The following ACSL5 variants were observed in gnomAD, a reference collection of about 807,000 sequenced individuals.
The protein encoded by ACSL5 is acyl-CoA synthetase long chain family member 5.
A neutral mutation model predicts 84.9 loss-of-function variants in ACSL5; 50 were observed. The observed-to-expected ratio is 0.59, with a 90% CI of 0.47 to 0.75. The LOEUF (loss-of-function observed/expected upper bound fraction) is 0.75. Among genes scored for constraint, ACSL5 ranks in the 30% least tolerant of loss-of-function variants. ACSL5 has a pLI of 0.00. For missense variants in ACSL5, 775 were observed against 830.4 expected, an observed-to-expected ratio of 0.93 and a Z score of 0.82; for synonymous variants, 280 against 300.7, an observed-to-expected ratio of 0.93 and a Z score of 0.71.
At chr10:112,412,875 C>T (rs1205283321) in intron 11 of ACSL5, among the ~76,000 whole-genome samples, 1 of 131,008 alleles carries the variant, frequency 7.6e-6, no homozygotes, top group African/African-American at 2.6e-5. Flanking sequence ...TCACACAGAC[C>T]TGTGGTGGAG....
At position 112,412,181 on chromosome 10, in the gene ACSL5, T is replaced by TC; in HGVS notation, c.948+204dup. ...TCTTCCTCTGCTAAGTCTGCATGTG[T>TC]CCAGGGAGGATAGTACTTGCTCCTG... On this transcript the variant is annotated intron_variant, in intron 11 of 20. Coordinates refer to ENST00000354655, the MANE Select transcript of ACSL5 (RefSeq NM_203379.2). 6.8e-6 allele frequency: 4 copies of TC among 585,470 alleles called. No individual in the cohort carries two copies. In the South Asian group the frequency reaches 8.6e-5, roughly 13 times the overall value. The allele number at this position is 585,470 out of a possible 1,614,324, so 36.3% of individuals were successfully genotyped here. A position where few individuals can be genotyped will look rare whatever the true frequency, so the allele number is the denominator to read the frequency against.
Position 112,405,616 on chromosome 10 carries a change from C to G in ACSL5, c.432+810C>G, listed in dbSNP as rs1047508852. On this transcript the variant is annotated intron_variant, in intron 5 of 20. Coordinates refer to ENST00000354655, the MANE Select transcript of ACSL5 (RefSeq NM_203379.2). ...TCAATAGAAAAAGGTTCCCTTGACTCTAGTTTAGGAACTTAACACCTAATC... is the reference window on the plus strand; with the variant it reads ...TCAATAGAAAAAGGTTCCCTTGACTGTAGTTTAGGAACTTAACACCTAATC... 1.2e-4 allele frequency among the ~76,000 whole-genome samples: 18 copies of G among 152,116 alleles called. 1 individual carries two copies. Among genetic ancestry groups the G allele is most frequent in the African/African-American group, 4.1e-4 (17 of 41,410 alleles).
intron 17 of ACSL5, chr10:112,424,736 C>T (rs1411800223): frequency 6.6e-6 from 1 of 152,024 alleles, no homozygotes; most frequent in Non-Finnish European, 1.5e-5. Context: ...AATTCAAATC[C>T]CTAAAGACCT....
chr10:112,376,524 TG>T, intron 1 of ACSL5: 4 of 1,585,048 alleles, frequency 2.5e-6, no homozygotes, highest in Non-Finnish European at 3.4e-6. Flanking sequence ...GGGGGCATCC[TG>T]ACCCCCGACT....
chr10:112,375,076 A>G (rs1213763721), intron 1 of ACSL5, among the ~76,000 whole-genome samples: 3 of 151,720 alleles, frequency 2.0e-5, no homozygotes, highest in African/African-American at 7.3e-5. Flanking sequence ...ATAAAACCTC[A>G]TCTTCCCCTG....
Position 112,425,352 on chromosome 10 carries a change from G to A in ACSL5, c.1608G>A (p.Lys536=), listed in dbSNP as rs1265118251. 6.2e-7 allele frequency: 1 copy of A among 1,612,390 alleles called. No individual in the cohort carries two copies. The highest frequency in any genetic ancestry group is 1.3e-5 in the African/African-American group (1 of 74,758). The part of the protein sequence containing the change: ...IGRWLPNGTL[K]IIDRKKNIFK... ...GTCTCATGTAGAATGGAACTCTGAA[G>A]ATCATCGACCGTAAAAAGAACATTT... The change falls in exon 18 of 21, where the codon AAG becomes AAA. Residue 536 remains lysine (K), a synonymous_variant. Coordinates refer to ENST00000354655, the MANE Select transcript of ACSL5 (RefSeq NM_203379.2).
chr10:112,415,825 G>C (rs1844301349), intron 12 of ACSL5, among the ~76,000 whole-genome samples: 1 of 152,132 alleles, frequency 6.6e-6, no homozygotes, highest in South Asian at 2.1e-4. Flanking sequence ...CTTCCAGTAG[G>C]GTGGAATCTT....
intron 12 of ACSL5, among the ~76,000 whole-genome samples, chr10:112,416,537 C>A (rs1844319207): frequency 6.6e-6 from 1 of 151,668 alleles, no homozygotes; most frequent in Non-Finnish European, 1.5e-5. Flanking sequence ...AATCAAAAGC[C>A]CTAGAAGTGG....
chr10:112,408,665 G>A, intron 6 of ACSL5, 144 bp downstream of exon 6: 1 of 626,588 alleles, frequency 1.6e-6, no homozygotes, highest in Non-Finnish European at 2.9e-6. Flanking sequence ...TTCTAGTTTT[G>A]TAGTACTTAG....
intron 14 of ACSL5, 108 bp from the exon 15 acceptor site, chr10:112,421,485 T>C (rs1318160774): frequency 1.1e-6 from 1 of 915,402 alleles, no homozygotes; most frequent in Non-Finnish European, 1.8e-6. Context: ...AGACACTAAG[T>C]GGTCTCGAAC....
chr10:112,413,407 C>A, intron 12 of ACSL5, 100 bp downstream of exon 12: 2 of 1,388,820 alleles, frequency 1.4e-6, no homozygotes, highest in Non-Finnish European at 2.0e-6. Flanking sequence ...CCACCCTCTA[C>A]AAGTATCTAC....
In ACSL5 at chr10:112,416,986, T is replaced by C. The variant is rs141858437; in HGVS notation, c.1182T>C (p.Asp394=). ...KELQKGIIRH[D]SFWDKLIFAK... ...TTCAAAAGGGTATCATCAGGCATGATAGTTTCTGGGACAAGCTCATCTTTG... is the reference window on the plus strand; with the variant it reads ...TTCAAAAGGGTATCATCAGGCATGACAGTTTCTGGGACAAGCTCATCTTTG... The change falls in exon 13 of 21, where the codon GAT becomes GAC. Residue 394 remains aspartate (D), a synonymous_variant. Coordinates refer to ENST00000354655, the MANE Select transcript of ACSL5 (RefSeq NM_203379.2). The C allele has an allele frequency of 2.7e-5, 44 of 1,614,048 alleles. No homozygotes were observed. Among genetic ancestry groups the C allele is most frequent in the African/African-American group, 9.3e-5 (7 of 75,010 alleles).
chr10:112,413,789 A>T (rs1283894998), intron 12 of ACSL5, among the ~76,000 whole-genome samples: 1 of 152,202 alleles, frequency 6.6e-6, no homozygotes, highest in Non-Finnish European at 1.5e-5. Context: ...TTTTCCTTGG[A>T]TAAGATGACT....
intron 1 of ACSL5, among the ~76,000 whole-genome samples, chr10:112,380,073 G>GCC: frequency 2.0e-5 from 3 of 152,144 alleles, no homozygotes; most frequent in South Asian, 2.1e-4. Flanking sequence ...TTGGTCAGCA[G>GCC]CAGGCCTGGG....
chr10:112,425,544 AG>A, intron 18 of ACSL5, 63 bp downstream of exon 18: 2 of 1,373,236 alleles, frequency 1.5e-6, no homozygotes, highest in Non-Finnish European at 1.9e-6. Flanking sequence ...TTGTAGCTAC[AG>A]GAAATTTGTA....
At chr10:112,386,272 C>T (rs908175852) in intron 1 of ACSL5, among the ~76,000 whole-genome samples, 18 of 141,998 alleles carry the variant, frequency 1.3e-4, no homozygotes, top group African/African-American at 3.2e-4. Context: ...CGGCTCACTG[C>T]GATCTCCACC....
intron 17 of ACSL5, 27 bp from the exon 18 acceptor site, chr10:112,425,311 A>C (rs1844625835): frequency 1.3e-6 from 2 of 1,584,424 alleles, no homozygotes; most frequent in African/African-American, 1.4e-5. Flanking sequence ...GCTCAAAAAT[A>C]CTGATACTTT....
At chr10:112,386,032 G>C (rs369023509) in intron 1 of ACSL5, among the ~76,000 whole-genome samples, 7 of 151,986 alleles carry the variant, frequency 4.6e-5, no homozygotes, top group Non-Finnish European at 1.0e-4. Flanking sequence ...CTAGCCAGTT[G>C]TCTCAGTACG....
intron 15 of ACSL5, 36 bp downstream of exon 15, chr10:112,421,701 G>A: frequency 1.0e-5 from 16 of 1,585,758 alleles, no homozygotes; most frequent in Non-Finnish European, 1.4e-5. Context: ...AGGTGCCATG[G>A]TTGGGAGAAA....
Sources: gnomAD v4.1 joint callset for allele counts (sites outside exome capture counted in the v4.1 genomes callset) on GRCh38, gnomAD v4.1.1 for gene constraint, MANE v1.5 for transcripts, NCBI Gene and HGNC (gene_info 2026-07-23, HGNC 2026-07-21) for gene names.